PIK3CB: variants seen among roughly 807,000 people sequenced by gnomAD.
PIK3CB encodes phosphatidylinositol 4,5-bisphosphate 3-kinase catalytic subunit beta isoform.
A neutral mutation model predicts 136.8 loss-of-function variants in PIK3CB; 39 were observed. The ratio of observed to expected loss-of-function variants is 0.29; its 90% confidence interval spans 0.22 to 0.37. PIK3CB has a LOEUF of 0.37. PIK3CB is among the 10% of genes least tolerant of loss of function. PIK3CB has a pLI of 1.00. For missense variants in PIK3CB, 868 were observed against 1,275.4 expected, an observed-to-expected ratio of 0.68 and a Z score of 4.87; for synonymous variants, 428 against 436.6, an observed-to-expected ratio of 0.98 and a Z score of 0.25.
chr3:138,654,984 C>G lies in PIK3CB; in HGVS notation c.*405G>C, dbSNP rs866241723. On this transcript the variant is annotated 3_prime_UTR_variant, in exon 24 of 24. Transcript: ENST00000674063. ...TTTAGCTTCATTTGGACAGTAAGAA[C>G]AGCCACCAACCCCCAGGTGTGGAAA... 3 of 229,612 alleles carry G rather than the reference C, an allele frequency of 1.3e-5. No homozygotes were observed. Among genetic ancestry groups the G allele is most frequent in the African/African-American group, 4.4e-5 (2 of 45,022 alleles). 14.2% of individuals were successfully genotyped at this position (229,612 alleles called of 1,614,324 possible). A position where few individuals can be genotyped will look rare whatever the true frequency, so the allele number is the denominator to read the frequency against.
chr3:138,693,960 TATATATTA>T (rs1274084323), intron 14 of PIK3CB, among the ~76,000 whole-genome samples: 43 of 33,956 alleles, frequency 1.3e-3, no homozygotes, highest in African/African-American at 9.6e-3. Flanking sequence ...TATATATATA[TATATATTA>T]TATATATATA....
chr3:138,701,601 A>G lies in PIK3CB; in HGVS notation c.1582-2506T>C, dbSNP rs570973083. On this transcript the variant is annotated intron_variant, in intron 12 of 23. Transcript: ENST00000674063. Reference sequence around the variant, plus strand: ...AGAGATCGAGACCATCCTGGCCAACATGGTGAAACCCCATCTCTACTAAAA... The same window carrying G: ...AGAGATCGAGACCATCCTGGCCAACGTGGTGAAACCCCATCTCTACTAAAA... Among the ~76,000 whole-genome samples the G allele has an allele frequency of 4.6e-5, 7 of 152,198 alleles. No homozygotes were observed. The South Asian group carries it at 1.5e-3, about 32-fold the overall frequency.
chr3:138,794,927 C>G (rs984837709), intron 2 of PIK3CB, among the ~76,000 whole-genome samples: 2 of 152,070 alleles, frequency 1.3e-5, no homozygotes, highest in African/African-American at 4.8e-5. Context: ...ACCTGTAATC[C>G]CATCAAGAGG....
chr3:138,736,292 T>C (rs1465248568), intron 6 of PIK3CB, among the ~76,000 whole-genome samples: 1 of 152,154 alleles, frequency 6.6e-6, no homozygotes, highest in African/African-American at 2.4e-5. Flanking sequence ...CTGGACCTTA[T>C]ATGTACTAAA....
At chr3:138,705,895 G>A (rs1576341205) in intron 11 of PIK3CB, among the ~76,000 whole-genome samples, 1 of 152,156 alleles carries the variant, frequency 6.6e-6, no homozygotes, top group African/African-American at 2.4e-5. Flanking sequence ...TAGGACTATA[G>A]GCACATGCCA....
rs551457377 is a variant in PIK3CB, at chr3:138,718,092, T to C, written c.1051-3373A>G. Among the ~76,000 whole-genome samples, 16 of 152,288 alleles carry C rather than the reference T, an allele frequency of 1.1e-4. No individual in the cohort carries two copies. The South Asian group carries it at 2.7e-3, about 26-fold the overall frequency. ...GGTCAAATGGTAGTTCTGCTTTTAG[T>C]TTTTTAAGGAATCGCCATACTGCTT... On this transcript the variant is annotated intron_variant, in intron 8 of 23. Transcript: ENST00000674063.
intron 13 of PIK3CB, among the ~76,000 whole-genome samples, chr3:138,698,358 G>T (rs896538861): frequency 6.6e-6 from 1 of 152,110 alleles, no homozygotes; most frequent in East Asian, 1.9e-4. Context: ...TTTTGGCAGG[G>T]TCTTGAAAAT....
At chr3:138,756,594 T>C (rs1458414984) in intron 3 of PIK3CB, among the ~76,000 whole-genome samples, 4 of 152,148 alleles carry the variant, frequency 2.6e-5, no homozygotes, top group Non-Finnish European at 4.4e-5. Context: ...GATGAGATAA[T>C]ATAAAAGAAG....
chr3:138,750,628 A>C (rs1363172451), intron 4 of PIK3CB, among the ~76,000 whole-genome samples: 8 of 152,186 alleles, frequency 5.3e-5, no homozygotes. Context: ...GAACCCCTGC[A>C]ATGGAACACC....
At chr3:138,784,363 CAGAG>C (rs2045951343) in intron 2 of PIK3CB, among the ~76,000 whole-genome samples, 1 of 152,172 alleles carries the variant, frequency 6.6e-6, no homozygotes, top group Admixed American at 6.5e-5. Context: ...GCCTGGGCAA[CAGAG>C]AGAGACTCTG....
chr3:138,762,784 C>T (rs769044665), intron 2 of PIK3CB, among the ~76,000 whole-genome samples: 28 of 151,786 alleles, frequency 1.8e-4, no homozygotes, highest in Non-Finnish European at 3.5e-4. Context: ...ATGGTGAAAC[C>T]TTGTCTCTAC....
In PIK3CB at chr3:138,686,468, C is replaced by T. The variant is rs143351805; in HGVS notation, c.2137-1665G>A. Among the ~76,000 whole-genome samples the T allele has an allele frequency of 5.3e-5, 8 of 151,964 alleles. No homozygotes were observed. The East Asian group carries it at 7.7e-4, about 15-fold the overall frequency. ...AATAAAATAAATAAATAAATAATAACAACAAATAAAATTCAACTTTATTAT... is the reference window on the plus strand; with the variant it reads ...AATAAAATAAATAAATAAATAATAATAACAAATAAAATTCAACTTTATTAT... On this transcript the variant is annotated intron_variant, in intron 16 of 23. Coordinates refer to ENST00000674063, the MANE Select transcript of PIK3CB (RefSeq NM_006219.3).
chr3:138,778,746 C>A, intron 2 of PIK3CB: 1 of 268,282 alleles, frequency 3.7e-6, no homozygotes, highest in South Asian at 4.5e-5. Flanking sequence ...AAGCTCATTT[C>A]CTGGTATGAC....
At chr3:138,729,234 T>C (rs1025783857) in intron 8 of PIK3CB, among the ~76,000 whole-genome samples, 7 of 151,660 alleles carry the variant, frequency 4.6e-5, no homozygotes, top group Admixed American at 3.9e-4. Flanking sequence ...TGAGGTGAGA[T>C]TGCGCCACTG....
intron 1 of PIK3CB, among the ~76,000 whole-genome samples, chr3:138,822,300 G>A (rs1210862475): frequency 1.3e-5 from 2 of 152,122 alleles, no homozygotes; most frequent in African/African-American, 4.8e-5. Context: ...TTGGGAGGCC[G>A]AGGCAGGCAG....
At chr3:138,738,542 A>G (rs1420849948) in intron 5 of PIK3CB, among the ~76,000 whole-genome samples, 1 of 136,710 alleles carries the variant, frequency 7.3e-6, no homozygotes, top group Non-Finnish European at 1.6e-5. Context: ...GAAGACAGCC[A>G]TACTTTATAC....
intron 8 of PIK3CB, among the ~76,000 whole-genome samples, chr3:138,720,046 A>C (rs931226297): frequency 6.6e-6 from 1 of 152,198 alleles, no homozygotes; most frequent in Non-Finnish European, 1.5e-5. Flanking sequence ...CAAGAAAGAT[A>C]CCAGTAATTG....
chr3:138,669,418 A>T (rs2043484891), intron 19 of PIK3CB, among the ~76,000 whole-genome samples: 1 of 139,440 alleles, frequency 7.2e-6, no homozygotes, highest in Admixed American at 7.1e-5. Context: ...AAAAAAAAAA[A>T]AAAAAAAAGG....
intron 12 of PIK3CB, among the ~76,000 whole-genome samples, chr3:138,701,490 A>G (rs1261886890): frequency 1.3e-5 from 2 of 152,154 alleles, no homozygotes; most frequent in African/African-American, 2.4e-5. Context: ...ATTAAGGGGT[A>G]AAAGGACATG....
Sources: allele counts gnomAD v4.1 joint callset (sites outside exome capture counted in the v4.1 genomes callset), GRCh38; gene constraint gnomAD v4.1.1; transcripts MANE v1.5; gene names NCBI Gene and HGNC (gene_info 2026-07-23, HGNC 2026-07-21).